The following EPB41L4B variants were observed in gnomAD, a reference collection of about 807,000 sequenced individuals.
EPB41L4B encodes band 4.1-like protein 4B.
A neutral mutation model predicts 112.5 loss-of-function variants in EPB41L4B; 30 were observed. That is an observed-to-expected ratio of 0.27 (90% CI 0.20 to 0.36). The LOEUF (loss-of-function observed/expected upper bound fraction) is 0.36. EPB41L4B is among the 10% of genes least tolerant of loss of function. EPB41L4B has a pLI of 1.00. For synonymous variants in EPB41L4B, 408 were observed against 439.7 expected, an observed-to-expected ratio of 0.93 and a Z score of 0.90; for missense variants, 1,024 against 1,133.3, an observed-to-expected ratio of 0.90 and a Z score of 1.38.
chr9:109,178,034 C>CTAAG (rs1309230561), intron 24 of EPB41L4B, among the ~76,000 whole-genome samples: 1 of 151,416 alleles, frequency 6.6e-6, no homozygotes, highest in Admixed American at 6.6e-5. Flanking sequence ...ATCCTTCTGC[C>CTAAG]TAAGATTCTC....
chr9:109,267,263 C>CT (rs1489198184), intron 4 of EPB41L4B, among the ~76,000 whole-genome samples: 8 of 152,290 alleles, frequency 5.3e-5, no homozygotes, highest in African/African-American at 1.9e-4. Context: ...GAAAATGTAT[C>CT]TTCTAATTTC....
intron 22 of EPB41L4B, among the ~76,000 whole-genome samples, chr9:109,188,407 A>T (rs903119473): frequency 6.6e-6 from 1 of 152,144 alleles, no homozygotes; most frequent in Admixed American, 6.5e-5. Context: ...TCCAAACAGA[A>T]TGTTGTCCAA....
intron 14 of EPB41L4B, among the ~76,000 whole-genome samples, chr9:109,244,059 T>G (rs564704056): frequency 9.5e-4 from 145 of 152,236 alleles, no homozygotes; most frequent in African/African-American, 3.4e-3. Flanking sequence ...GGAGGCAACT[T>G]CTCTCTTCAG....
rs1831845727 is a variant in EPB41L4B at position 109,176,572 on chromosome 9, T to A, written c.2612A>T (p.Lys871Ile). 1.9e-6 allele frequency: 3 copies of A among 1,610,366 alleles called. No homozygotes were observed. The African/African-American group carries it at 4.0e-5, about 22-fold the overall frequency. The change falls in exon 25 of 26, where the codon AAA (lysine) becomes ATA (isoleucine). Residue 871 changes from lysine to isoleucine, a missense_variant. Lys to Ile is a moderately radical substitution (Grantham distance 102). Transcript: ENST00000374566. ...STVQTIYTTR[K>I]PVSLAASAET... is the part of the protein sequence containing the mutation. Reference sequence around the variant, plus strand: ...CTACCTGGCTGCCAGAGAAACAGGTTTCCGGGTGGTGTAAATGGTCTGCAC... The same window carrying A: ...CTACCTGGCTGCCAGAGAAACAGGTATCCGGGTGGTGTAAATGGTCTGCAC...
At chr9:109,267,677 C>T in intron 3 of EPB41L4B, 126 bp from the exon 4 acceptor site, 1 of 626,032 alleles carries the variant, frequency 1.6e-6, no homozygotes, top group East Asian at 2.8e-5. Flanking sequence ...CATAACTGGG[C>T]ACGCGACACT....
At chr9:109,214,599 G>A (rs2118823541) in intron 16 of EPB41L4B, among the ~76,000 whole-genome samples, 1 of 152,346 alleles carries the variant, frequency 6.6e-6, no homozygotes, top group Admixed American at 6.5e-5. Flanking sequence ...TAAGGGATGT[G>A]TAGGAGTTCA....
intron 1 of EPB41L4B, among the ~76,000 whole-genome samples, chr9:109,290,050 GATGGTAAC>G (rs1171200541): frequency 5.3e-5 from 8 of 152,172 alleles, no homozygotes; most frequent in Admixed American, 5.2e-4. Flanking sequence ...GCACCTGTCC[GATGGTAAC>G]TTCAAACCCA....
intron 2 of EPB41L4B, among the ~76,000 whole-genome samples, chr9:109,274,334 C>T (rs989650881): frequency 6.6e-6 from 1 of 152,086 alleles, no homozygotes; most frequent in Non-Finnish European, 1.5e-5. Context: ...CAAATCCCTG[C>T]CCCTCCTCTG....
chr9:109,262,371 C>A (rs1455004444), intron 6 of EPB41L4B, among the ~76,000 whole-genome samples: 3 of 152,138 alleles, frequency 2.0e-5, no homozygotes, highest in African/African-American at 7.2e-5. Context: ...AGAATCATCT[C>A]AAACTCCTCC....
rs75615669 is a variant in EPB41L4B at position 109,239,641 on chromosome 9, A to T, written c.1409+3977T>A. 5.7e-3 allele frequency: 1,051 copies of T among 182,788 alleles called. 18 individuals carry two copies. In the East Asian group the frequency reaches 0.086, roughly 15 times the overall value. The allele number at this position is 182,788 out of a possible 1,614,324, so 11.3% of individuals were successfully genotyped here. ...AGGTCCACTAAGTTAAGGAATGAAA[A>T]GTGTACACTTCATTTAACAATCAGG... is the stretch of plus-strand genomic sequence containing the variant. On this transcript the variant is annotated intron_variant, in intron 15 of 25. Transcript: ENST00000374566.
intron 1 of EPB41L4B, among the ~76,000 whole-genome samples, chr9:109,315,361 T>G (rs936036491): frequency 1.3e-5 from 2 of 152,122 alleles, no homozygotes; most frequent in Admixed American, 6.5e-5. Flanking sequence ...ATTCTCGGGG[T>G]GTGCTCTGGG....
rs1298348039 is a variant in EPB41L4B, at chr9:109,253,451, T to G, written c.1269A>C (p.Ser423=). ...PSKRYPSRRH[S]TFKASNPVIA... is the part of the protein sequence containing the mutation. The stretch of plus-strand genomic sequence containing the variant: ...TGAAAAACACACAACCTTTGAACGT[T>G]GAATGTCTCCGGGATGGATAACGTT... Residue 423 remains serine (S), a synonymous_variant, in exon 12 of 26, where the codon TCA becomes TCC. Transcript: ENST00000374566. The G allele has an allele frequency of 6.2e-7, 1 of 1,610,652 alleles. No homozygotes were observed. Among genetic ancestry groups the G allele is most frequent in the Non-Finnish European group, 8.5e-7 (1 of 1,177,258 alleles).
intron 15 of EPB41L4B, chr9:109,240,111 C>T (rs1485945230): frequency 4.1e-6 from 4 of 984,988 alleles, no homozygotes; most frequent in Non-Finnish European, 3.6e-6. Context: ...GAGACTTCTG[C>T]ATAGCAACAA....
rs10625718 is a variant in EPB41L4B, at chr9:109,178,902, T to TAAAAAAAAAAA, written c.2488-2217_2488-2207dup. On this transcript the variant is annotated intron_variant, in intron 24 of 25. Transcript: ENST00000374566. ...GTTCTTGATTGCCATATACTTCAAG[T>TAAAAAAAAAAA]AAAAAAAAAAAAAAAAAGCCAGTTT... Among the ~76,000 whole-genome samples the TAAAAAAAAAAA allele has an allele frequency of 4.4e-4, 46 of 105,066 alleles. 1 individual carries two copies. Among genetic ancestry groups the TAAAAAAAAAAA allele is most frequent in the Admixed American group, 4.6e-4 (4 of 8,706 alleles). 68.9% of individuals were successfully genotyped at this position (105,066 alleles called of 152,430 possible).
intron 15 of EPB41L4B, among the ~76,000 whole-genome samples, chr9:109,237,429 A>C (rs1368662470): frequency 2.0e-5 from 3 of 152,328 alleles, no homozygotes; most frequent in Non-Finnish European, 4.4e-5. Context: ...CAAAATGTAA[A>C]AGTTAATTCC....
At chr9:109,185,878 A>C (rs1018257378) in intron 22 of EPB41L4B, among the ~76,000 whole-genome samples, 1 of 147,800 alleles carries the variant, frequency 6.8e-6, no homozygotes, top group African/African-American at 2.5e-5. Context: ...TGACATACCA[A>C]GACCCCATTC....
At chr9:109,263,009 A>C (rs1279135764) in intron 6 of EPB41L4B, 41 bp downstream of exon 6, 1 of 1,388,116 alleles carries the variant, frequency 7.2e-7, no homozygotes, top group African/African-American at 1.4e-5. Flanking sequence ...AATAAAAAGC[A>C]ATAACATTAA....
At chr9:109,316,101 C>G (rs1303044232) in intron 1 of EPB41L4B, among the ~76,000 whole-genome samples, 2 of 152,210 alleles carry the variant, frequency 1.3e-5, no homozygotes, top group African/African-American at 4.8e-5. Context: ...TTTGAAAGAT[C>G]AGGAAGTCAA....
intron 6 of EPB41L4B, among the ~76,000 whole-genome samples, chr9:109,260,446 G>A (rs769565959): frequency 1.6e-4 from 20 of 121,866 alleles, no homozygotes; most frequent in East Asian, 9.6e-4. Flanking sequence ...ACAGAGTCTC[G>A]CTCTGTCACC....
Sources: gnomAD v4.1 joint callset for allele counts (sites outside exome capture counted in the v4.1 genomes callset) on GRCh38, gnomAD v4.1.1 for gene constraint, MANE v1.5 for transcripts, NCBI Gene and HGNC (gene_info 2026-07-23, HGNC 2026-07-21) for gene names.